CSMD1: variants seen among roughly 807,000 people sequenced by gnomAD.
CSMD1 encodes CUB and sushi domain-containing protein 1.
In CSMD1, 213 loss-of-function variants were observed where a neutral mutation model predicts 417.5. The observed-to-expected ratio is 0.51, with a 90% CI of 0.46 to 0.57. The LOEUF is 0.57. Ranked by LOEUF, CSMD1 falls within the 20% of genes least tolerant of loss-of-function variation. CSMD1 has a pLI of 0.00. For synonymous variants in CSMD1, 2,862 were observed against 1,736.8 expected (o/e 1.65, Z -16.11); for missense variants, 6,923 against 4,529.7 (o/e 1.53, Z -15.17).
chr8:3,304,235 T>C (rs2117361213), intron 25 of CSMD1, among the ~76,000 whole-genome samples: 1 of 152,306 alleles, frequency 6.6e-6, no homozygotes, highest in Admixed American at 6.5e-5. Context: ...TGTTCATATT[T>C]ATATGACTGA....
At chr8:4,446,586 T>C (rs987373498) in intron 2 of CSMD1, among the ~76,000 whole-genome samples, 1 of 152,080 alleles carries the variant, frequency 6.6e-6, no homozygotes, top group East Asian at 1.9e-4. Context: ...TGGAGTCTCA[T>C]TCTGTCACCC....
At chr8:4,275,659 C>CA (rs1309588885) in intron 3 of CSMD1, among the ~76,000 whole-genome samples, 1 of 152,028 alleles carries the variant, frequency 6.6e-6, no homozygotes, top group South Asian at 2.1e-4. Context: ...GCAAATAATG[C>CA]AAAAATTGTA....
intron 5 of CSMD1, among the ~76,000 whole-genome samples, chr8:3,756,484 A>G (rs1797665974): frequency 6.6e-6 from 1 of 152,230 alleles, no homozygotes; most frequent in South Asian, 2.1e-4. Context: ...ACATAGATAT[A>G]CACTGAAATT....
At chr8:4,017,224 T>C (rs996211666) in intron 4 of CSMD1, among the ~76,000 whole-genome samples, 3 of 152,232 alleles carry the variant, frequency 2.0e-5, no homozygotes, top group African/African-American at 4.8e-5. Context: ...TATTTTAAAT[T>C]GTCAGCACTA....
chr8:4,578,617 T>C lies in CSMD1; in HGVS notation c.302+58725A>G, dbSNP rs565104200. Among the ~76,000 whole-genome samples the C allele has an allele frequency of 3.8e-4, 57 of 151,028 alleles. 1 individual carries two copies. The highest frequency in any genetic ancestry group is 3.1e-3 in the South Asian group (15 of 4,772). On this transcript the variant is annotated intron_variant, in intron 2 of 69. Transcript: ENST00000635120. Reference sequence around the variant, plus strand: ...GGTTCACGAGGTCAGGAGTTCAAGATCAGCCTGGCCAACATGGTGAAACCC... The same window carrying C: ...GGTTCACGAGGTCAGGAGTTCAAGACCAGCCTGGCCAACATGGTGAAACCC...
intron 10 of CSMD1, among the ~76,000 whole-genome samples, chr8:3,529,354 A>G (rs987667241): frequency 2.0e-5 from 3 of 152,222 alleles, no homozygotes; most frequent in African/African-American, 4.8e-5. Flanking sequence ...TACTAAATCA[A>G]TTCAAGAAAG....
intron 5 of CSMD1, among the ~76,000 whole-genome samples, chr8:3,899,060 T>G (rs1031993112): frequency 1.3e-5 from 2 of 152,060 alleles, no homozygotes; most frequent in Non-Finnish European, 2.9e-5. Context: ...TTGAGGTCAA[T>G]AAAATGAGGA....
At chr8:3,528,737 G>A (rs557444683) in intron 10 of CSMD1, among the ~76,000 whole-genome samples, 6 of 152,320 alleles carry the variant, frequency 3.9e-5, no homozygotes, top group African/African-American at 1.4e-4. Flanking sequence ...AATAGTGAAT[G>A]TTCCAATTGC....
In CSMD1 at chr8:3,998,083, C is replaced by A. The variant is rs1380430614; in HGVS notation, c.638G>T (p.Arg213Leu). The change falls in exon 5 of 70, where the codon CGC becomes CTC. Residue 213 changes from arginine to leucine, a missense_variant. Arg to Leu is a moderately radical substitution (Grantham distance 102). Transcript: ENST00000635120. ...GCTGGAGATGGAGCTGCTGGTCCCG[C>A]GTAAGGTTCCTCCGCAGGCTCCCTC... ...RAEGACGGTLRGTSSSISSPH... is the reference protein window; with the variant it reads ...RAEGACGGTLLGTSSSISSPH... 8 of 1,582,570 alleles carry A rather than the reference C, an allele frequency of 5.1e-6. No individual in the cohort carries two copies. The highest frequency in any genetic ancestry group is 6.9e-6 in the Non-Finnish European group (8 of 1,163,464).
intron 1 of CSMD1, among the ~76,000 whole-genome samples, chr8:4,842,482 A>C (rs1367551692): frequency 6.6e-6 from 1 of 152,210 alleles, no homozygotes; most frequent in Non-Finnish European, 1.5e-5. Context: ...GTCAGATGCA[A>C]TGGATAGTTT....
intron 3 of CSMD1, among the ~76,000 whole-genome samples, chr8:4,123,133 G>A (rs527835148): frequency 2.6e-5 from 4 of 152,226 alleles, no homozygotes; most frequent in Non-Finnish European, 5.9e-5. Context: ...AAAATAGGAA[G>A]ATGAAGAATA....
intron 26 of CSMD1, among the ~76,000 whole-genome samples, chr8:3,238,191 G>C (rs1017948218): frequency 6.6e-6 from 1 of 151,936 alleles, no homozygotes; most frequent in Non-Finnish European, 1.5e-5. Context: ...GCAGGTGTGG[G>C]GGTGTCACAA....
chr8:4,519,416 G>C (rs1803305578), intron 2 of CSMD1, among the ~76,000 whole-genome samples: 1 of 152,012 alleles, frequency 6.6e-6, no homozygotes, highest in Admixed American at 6.6e-5. Flanking sequence ...ATTAATATAT[G>C]TATAAAAATT....
chr8:4,232,061 G>A (rs1393468678), intron 3 of CSMD1, among the ~76,000 whole-genome samples: 1 of 152,202 alleles, frequency 6.6e-6, no homozygotes, highest in Non-Finnish European at 1.5e-5. Flanking sequence ...GGTGTTAGAA[G>A]AGCGAAGTAG....
intron 3 of CSMD1, among the ~76,000 whole-genome samples, chr8:4,281,121 C>T (rs2128859568): frequency 1.3e-5 from 2 of 152,250 alleles, no homozygotes; most frequent in South Asian, 4.1e-4. Context: ...CTCTGCTGGC[C>T]CCTAGGTGGC....
At chr8:3,497,539 G>C (rs143259515) in intron 10 of CSMD1, among the ~76,000 whole-genome samples, 93 of 152,072 alleles carry the variant, frequency 6.1e-4, no homozygotes, top group African/African-American at 2.2e-3. Context: ...TAGGTATCTG[G>C]GATTACAGGG....
chr8:4,508,692 G>A (rs1563242714), intron 2 of CSMD1, among the ~76,000 whole-genome samples: 1 of 152,094 alleles, frequency 6.6e-6, no homozygotes, highest in East Asian at 1.9e-4. Flanking sequence ...CTGGTAGTGG[G>A]TCTGGAACCA....
chr8:3,909,813 G>A (rs895892396), intron 5 of CSMD1, among the ~76,000 whole-genome samples: 1 of 152,098 alleles, frequency 6.6e-6, no homozygotes, highest in African/African-American at 2.4e-5. Flanking sequence ...TCACAATTTT[G>A]CATGGTGATT....
intron 1 of CSMD1, among the ~76,000 whole-genome samples, chr8:4,955,635 T>C (rs1387545261): frequency 6.6e-6 from 1 of 152,118 alleles, no homozygotes; most frequent in African/African-American, 2.4e-5. Context: ...TTTGTATTTT[T>C]AATAGAGACG....
Sources: gnomAD v4.1 joint callset for allele counts (sites outside exome capture counted in the v4.1 genomes callset) on GRCh38, gnomAD v4.1.1 for gene constraint, MANE v1.5 for transcripts, NCBI Gene and HGNC (gene_info 2026-07-23, HGNC 2026-07-21) for gene names.